The following SSX3 variants were observed in gnomAD, a reference collection of about 807,000 sequenced individuals.
The protein encoded by SSX3 is SSX family member 3, also known as protein SSX3.
In SSX3, 6 loss-of-function variants were observed where a neutral mutation model predicts 14.8. The ratio of observed to expected loss-of-function variants is 0.41; its 90% CI spans 0.22 to 0.80. The LOEUF is 0.80. Among genes scored for constraint, SSX3 ranks in the 30% least tolerant of loss-of-function variants. SSX3 has a pLI of 0.34. For missense variants in SSX3, 163 were observed against 152.2 expected, an observed-to-expected ratio of 1.07 and a Z score of -0.37; for synonymous variants, 55 against 52.9, an observed-to-expected ratio of 1.04 and a Z score of -0.18.
intron 1 of SSX3, among the ~76,000 whole-genome samples, chrX:48,355,823 C>T (rs782271316): frequency 2.8e-3 from 311 of 111,611 alleles, no homozygotes; most frequent in African/African-American, 9.8e-3. Flanking sequence ...ACGAAGAGAG[C>T]TAGAATTTCT....
Position 48,349,509 on chromosome X carries a change from T to G in SSX3, c.466+478A>C, listed in dbSNP as rs1556949128. On this transcript the variant is annotated intron_variant, in intron 6 of 7. Coordinates refer to ENST00000298396, the MANE Select transcript of SSX3 (RefSeq NM_021014.4). The stretch of plus-strand genomic sequence containing the variant: ...AGTGTAAACATAACGTTTTATGCAC[T>G]GTCAAACAAAAAACAATGTGTGTGA... 2.5e-6 allele frequency: 3 copies of G among 1,206,509 alleles called. No individual in the cohort carries two copies. In the East Asian group the frequency reaches 8.9e-5, roughly 36 times the overall value.
At chrX:48,354,274 A>T (rs1490481022) in intron 3 of SSX3, among the ~76,000 whole-genome samples, 180 bp from the exon 4 acceptor site, 4 of 100,922 alleles carry the variant, frequency 4.0e-5, no homozygotes, top group African/African-American at 1.5e-4. Context: ...ACAGATTCAG[A>T]CTGACTCAAA....
intron 5 of SSX3, among the ~76,000 whole-genome samples, chrX:48,351,004 T>G (rs1286054090): frequency 9.1e-6 from 1 of 109,935 alleles, no homozygotes; most frequent in East Asian, 2.9e-4. Context: ...CTCCTGACCT[T>G]GTGATCTGCC....
At chrX:48,350,258 T>G in intron 5 of SSX3, 136 bp from the exon 6 acceptor site, 1 of 970,351 alleles carries the variant, frequency 1.0e-6, no homozygotes, top group Non-Finnish European at 1.4e-6. Flanking sequence ...AGGCCTAAAT[T>G]AGGAGAAACC....
Position 48,346,872 on chromosome X carries a change from T to A in SSX3, c.*168A>T. On this transcript the variant is annotated 3_prime_UTR_variant, in exon 8 of 8. Transcript: ENST00000298396. ...AAATACAATGGAAACGCTAATATCG[T>A]ACTCTTGGCACACTAAGAAAAATGA... 4 of 883,664 alleles carry A rather than the reference T, an allele frequency of 4.5e-6. No individual in the cohort carries two copies. Among genetic ancestry groups the A allele is most frequent in the Non-Finnish European group, 6.5e-6 (4 of 615,341 alleles). 72.8% of individuals were successfully genotyped at this position (883,664 alleles called of 1,213,427 possible).
At chrX:48,347,217 G>A (rs1490591090) in intron 7 of SSX3, among the ~76,000 whole-genome samples, 182 bp from the exon 8 acceptor site, 1 of 112,312 alleles carries the variant, frequency 8.9e-6, no homozygotes, top group Non-Finnish European at 1.9e-5. Context: ...TGACTTCCTC[G>A]CCTGGGCTAT....
chrX:48,356,598 A>G (rs1301606346), intron 1 of SSX3, 36 bp downstream of exon 1: 1 of 111,642 alleles, frequency 9.0e-6, no homozygotes, highest in Non-Finnish European at 1.9e-5. Context: ...GGGGAGGGGT[A>G]GGAAGAATGG....
At chrX:48,352,701 G>A (rs1432513116) in intron 4 of SSX3, among the ~76,000 whole-genome samples, 4 of 112,219 alleles carry the variant, frequency 3.6e-5, no homozygotes, top group Non-Finnish European at 7.5e-5. Context: ...CTGTTTAGTT[G>A]GCGAGTAATA....
At chrX:48,347,136 T>A (rs782512249) in intron 7 of SSX3, 101 bp from the exon 8 acceptor site, 2 of 1,061,844 alleles carry the variant, frequency 1.9e-6, no homozygotes, top group East Asian at 6.0e-5. Flanking sequence ...CACACTCCGA[T>A]TCTGCCCTAT....
chrX:48,349,239 C>G (rs1472971180), intron 6 of SSX3, among the ~76,000 whole-genome samples: 1 of 111,352 alleles, frequency 9.0e-6, no homozygotes, highest in Non-Finnish European at 1.9e-5. Flanking sequence ...GAGAGCTAAT[C>G]GATGTGGCAA....
rs145422047 is a variant in SSX3, at chrX:48,352,307, G to T, written c.281-158C>A. On this transcript the variant is annotated intron_variant, in intron 4 of 7. Transcript: ENST00000298396. Reference sequence around the variant, plus strand: ...TGCTTCTGAATTATGTTTAGTCATGGTTGATGCATTTATCTGTGGCATCAA... The same window carrying T: ...TGCTTCTGAATTATGTTTAGTCATGTTTGATGCATTTATCTGTGGCATCAA... 1.5e-3 allele frequency: 962 copies of T among 646,176 alleles called. 11 individuals carry two copies. In the East Asian group the frequency reaches 0.022, roughly 15 times the overall value. The allele number at this position is 646,176 out of a possible 1,213,427, so 53.3% of individuals were successfully genotyped here.
chrX:48,352,147 G>C lies in SSX3; in HGVS notation c.283C>G (p.Gln95Glu), dbSNP rs782638761. The change falls in exon 5 of 8, where the codon CAA (glutamine) becomes GAA (glutamate). Residue 95 changes from glutamine (Q) to glutamate (E), a missense_variant and splice_region_variant. Physicochemically the swap from Gln to Glu is conservative, Grantham distance 29. Coordinates refer to ENST00000298396, the MANE Select transcript of SSX3 (RefSeq NM_021014.4). ...CTGCCGAAAGTCATCTGAGGACGTT[G>C]AACTGAAAGAGAATACATCAGAATT... is the stretch of plus-strand genomic sequence containing the variant. ...DNDPNRGNQVQRPQMTFGRLQ... is the reference protein window; with the variant it reads ...DNDPNRGNQVERPQMTFGRLQ... 5.3e-5 allele frequency: 64 copies of C among 1,206,929 alleles called. No homozygotes were observed. The highest frequency in any genetic ancestry group is 8.8e-5 in the South Asian group (5 of 56,753).
intron 5 of SSX3, 79 bp downstream of exon 5, chrX:48,352,021 T>C (rs2061265237): frequency 1.8e-6 from 2 of 1,125,444 alleles, no homozygotes; most frequent in African/African-American, 3.6e-5. Context: ...GCATTGTTGA[T>C]ATTCTCCCAC....
intron 5 of SSX3, among the ~76,000 whole-genome samples, chrX:48,350,914 G>C (rs141645796): frequency 9.2e-6 from 1 of 109,251 alleles, no homozygotes; most frequent in East Asian, 2.9e-4. Flanking sequence ...GGGACTACAG[G>C]CAGGCACTAC....
intron 1 of SSX3, among the ~76,000 whole-genome samples, chrX:48,355,961 G>C (rs191573260): frequency 5.4e-5 from 6 of 111,194 alleles, no homozygotes; most frequent in African/African-American, 2.0e-4. Context: ...CAGGTCACTT[G>C]AGCCCAGGAG....
intron 6 of SSX3, chrX:48,349,369 G>A (rs187726676): frequency 1.6e-6 from 1 of 608,871 alleles, no homozygotes; most frequent in African/African-American, 2.3e-5. Context: ...CAAAAAGAGT[G>A]TGACTCACTG....
rs1173946532 is a variant in SSX3 at position 48,355,160 on chromosome X, G to A, written c.69+21C>T. The A allele has an allele frequency of 5.0e-6, 6 of 1,206,608 alleles. No homozygotes were observed. In the Admixed American group the frequency reaches 6.6e-5, roughly 13 times the overall value. On this transcript the variant is annotated intron_variant, in intron 2 of 7. Transcript: ENST00000298396. ...ACACTGTCCCCTGGGTCACTACTCT[G>A]CTCCCTCTAGGTCACCTCACCTTTT...
chrX:48,347,679 G>T, intron 6 of SSX3, 75 bp from the exon 7 acceptor site: 1 of 1,201,170 alleles, frequency 8.3e-7, no homozygotes, highest in Non-Finnish European at 1.1e-6. Context: ...TCAAAAAAAG[G>T]AGATGCCTGC....
chrX:48,351,957 C>T, intron 5 of SSX3, 143 bp downstream of exon 5: 2 of 741,621 alleles, frequency 2.7e-6, no homozygotes, highest in Non-Finnish European at 4.1e-6. Flanking sequence ...ACTATCAAGC[C>T]GTCGGTGCTA....
Sources: allele counts gnomAD v4.1 joint callset (sites outside exome capture counted in the v4.1 genomes callset), GRCh38; gene constraint gnomAD v4.1.1; transcripts MANE v1.5; gene names NCBI Gene and HGNC (gene_info 2026-07-23, HGNC 2026-07-21).